KCNIP4: variants seen among roughly 807,000 people sequenced by gnomAD.
The protein encoded by KCNIP4 is potassium voltage-gated channel interacting protein 4.
A neutral mutation model predicts 34.0 loss-of-function variants in KCNIP4; 12 were observed. That is an observed-to-expected ratio of 0.35 (90% CI 0.23 to 0.57). KCNIP4 has a LOEUF of 0.57. KCNIP4 is among the 20% of genes least tolerant of loss of function. KCNIP4 has a pLI of 0.83. For missense variants in KCNIP4, 238 were observed against 311.7 expected, an observed-to-expected ratio of 0.76 and a Z score of 1.78; for synonymous variants, 124 against 102.2, an observed-to-expected ratio of 1.21 and a Z score of -1.29.
chr4:21,385,862 C>T (rs2132275), intron 1 of KCNIP4, among the ~76,000 whole-genome samples: 74,152 of 151,862 alleles, frequency 0.49, 20,626 homozygotes, highest in Non-Finnish European at 0.62. Context: ...GTCCCAAGTG[C>T]CACTAAATTA....
At chr4:21,899,504 T>C (rs918314485) in intron 1 of KCNIP4, among the ~76,000 whole-genome samples, 4 of 152,072 alleles carry the variant, frequency 2.6e-5, no homozygotes, top group Non-Finnish European at 5.9e-5. Context: ...ATTATCATTG[T>C]TTGAAGATAA....
At chr4:21,174,170 T>C (rs1754227737) in intron 1 of KCNIP4, among the ~76,000 whole-genome samples, 1 of 152,136 alleles carries the variant, frequency 6.6e-6, no homozygotes, top group African/African-American at 2.4e-5. Flanking sequence ...CACCCACATT[T>C]AAAAAAACTT....
chr4:21,720,008 A>C (rs1714680120), intron 1 of KCNIP4, among the ~76,000 whole-genome samples: 1 of 130,848 alleles, frequency 7.6e-6, no homozygotes, highest in Non-Finnish European at 1.5e-5. Flanking sequence ...AAGAAAAAGA[A>C]GAAGAAGAAG....
chr4:21,054,872 A>T (rs1215193668), intron 1 of KCNIP4, among the ~76,000 whole-genome samples: 1 of 152,200 alleles, frequency 6.6e-6, no homozygotes, highest in African/African-American at 2.4e-5. Context: ...GACATTTTAG[A>T]TACAACAGCA....
intron 1 of KCNIP4, among the ~76,000 whole-genome samples, chr4:21,453,927 T>A (rs1198223139): frequency 2.6e-5 from 4 of 152,092 alleles, no homozygotes; most frequent in African/African-American, 7.2e-5. Flanking sequence ...GTGTGAAGTT[T>A]CATCCATTTC....
intron 1 of KCNIP4, among the ~76,000 whole-genome samples, chr4:21,634,828 C>T (rs1037932475): frequency 6.6e-6 from 1 of 152,078 alleles, no homozygotes. Context: ...ATATTATAAC[C>T]AATATATCAC....
intron 1 of KCNIP4, among the ~76,000 whole-genome samples, chr4:21,043,618 C>T (rs10034080): frequency 0.028 from 4,196 of 152,064 alleles, 167 homozygotes; most frequent in African/African-American, 0.095. Flanking sequence ...GGATGACAGC[C>T]GTGAGCCACT....
At chr4:21,761,363 T>G (rs187101917) in intron 1 of KCNIP4, among the ~76,000 whole-genome samples, 91 of 152,234 alleles carry the variant, frequency 6.0e-4, no homozygotes, top group Admixed American at 1.1e-3. Flanking sequence ...GAGGCCTGTT[T>G]GATGAAGAAA....
intron 1 of KCNIP4, among the ~76,000 whole-genome samples, chr4:21,079,701 C>A (rs1210332954): frequency 6.6e-6 from 1 of 151,782 alleles, no homozygotes; most frequent in East Asian, 1.9e-4. Context: ...AATCAGTTGA[C>A]TGGAATATAA....
At chr4:21,592,715 A>G (rs1007712040) in intron 1 of KCNIP4, among the ~76,000 whole-genome samples, 2 of 152,136 alleles carry the variant, frequency 1.3e-5, no homozygotes, top group African/African-American at 4.8e-5. Context: ...TGAAAGTATA[A>G]TTCTAGCAAG....
At chr4:20,777,669 T>C (rs1159327414) in intron 3 of KCNIP4, among the ~76,000 whole-genome samples, 2 of 152,176 alleles carry the variant, frequency 1.3e-5, no homozygotes, top group Non-Finnish European at 2.9e-5. Context: ...ACCCAGTTTA[T>C]GGTAATTTGT....
intron 1 of KCNIP4, among the ~76,000 whole-genome samples, chr4:21,911,802 T>A (rs6820986): frequency 0.34 from 51,619 of 151,778 alleles, 9,378 homozygotes; most frequent in Non-Finnish European, 0.41. Context: ...AGCCCTCCAG[T>A]CTTCATCAGT....
At chr4:21,144,005 G>A (rs1752172175) in intron 1 of KCNIP4, among the ~76,000 whole-genome samples, 1 of 152,094 alleles carries the variant, frequency 6.6e-6, no homozygotes. Flanking sequence ...ACCGCGCCAG[G>A]CCCAGAGTTC....
intron 1 of KCNIP4, among the ~76,000 whole-genome samples, chr4:21,732,676 G>A (rs897889546): frequency 9.6e-6 from 1 of 104,512 alleles, no homozygotes; most frequent in Non-Finnish European, 1.7e-5. Context: ...CACTGATCTG[G>A]GGTATTCGGT....
intron 3 of KCNIP4, among the ~76,000 whole-genome samples, chr4:20,821,813 A>G (rs1717143534): frequency 6.6e-6 from 1 of 152,116 alleles, no homozygotes; most frequent in Admixed American, 6.5e-5. Context: ...GACATTTTTC[A>G]TTCCATTTTA....
At chr4:21,146,871 C>G (rs918060449) in intron 1 of KCNIP4, among the ~76,000 whole-genome samples, 3 of 152,036 alleles carry the variant, frequency 2.0e-5, no homozygotes, top group African/African-American at 7.2e-5. Context: ...TATTAAGACA[C>G]ATTTCATTGT....
rs566810104 is a variant in KCNIP4 at position 21,632,989 on chromosome 4, A to G, written c.61+315582T>C. 8.3e-4 allele frequency among the ~76,000 whole-genome samples: 126 copies of G among 152,264 alleles called. 1 individual carries two copies. The highest frequency in any genetic ancestry group is 2.1e-4 in the Non-Finnish European group (14 of 68,002). On this transcript the variant is annotated intron_variant, in intron 1 of 8. Coordinates refer to ENST00000382152, the MANE Select transcript of KCNIP4 (RefSeq NM_025221.6). ...TGACAAGTTTTGTATCTATTTCTAA[A>G]CGGTACGTTCTTCCAGCAGACTGAT...
chr4:20,877,966 C>G (rs1021005033), intron 2 of KCNIP4, among the ~76,000 whole-genome samples: 3 of 127,446 alleles, frequency 2.4e-5, no homozygotes. Flanking sequence ...TGTTTTCTCT[C>G]TCTCTTTTTT....
At chr4:21,290,356 A>C (rs1306303522) in intron 1 of KCNIP4, among the ~76,000 whole-genome samples, 1 of 152,122 alleles carries the variant, frequency 6.6e-6, no homozygotes, top group Non-Finnish European at 1.5e-5. Context: ...GGAAAAAAAA[A>C]TAATGTATGT....
Sources: allele counts gnomAD v4.1 joint callset (sites outside exome capture counted in the v4.1 genomes callset), GRCh38; gene constraint gnomAD v4.1.1; transcripts MANE v1.5; gene names NCBI Gene and HGNC (gene_info 2026-07-23, HGNC 2026-07-21).